Variants in ZNF33A observed in about 807,000 individuals in gnomAD.
ZNF33A encodes the protein zinc finger protein 33A, also known as brain my041 protein.
A neutral mutation model predicts 15.9 loss-of-function variants in ZNF33A; 9 were observed. The observed-to-expected ratio is 0.57, with a 90% CI of 0.34 to 0.99. ZNF33A has a LOEUF of 0.99. Ranked by LOEUF, ZNF33A falls within the 50% of genes least tolerant of loss-of-function variation. The pLI is 0.02. For missense variants in ZNF33A, 843 were observed against 941.6 expected, an observed-to-expected ratio of 0.90 and a Z score of 1.37; for synonymous variants, 294 against 324.2, an observed-to-expected ratio of 0.91 and a Z score of 1.00.
At chr10:38,027,689 T>C (rs999180347) in intron 4 of ZNF33A, among the ~76,000 whole-genome samples, 1 of 152,164 alleles carries the variant, frequency 6.6e-6, no homozygotes, top group African/African-American at 2.4e-5. Context: ...AGTTTCTCCC[T>C]TGCATTCTGT....
At chr10:38,026,404 G>A (rs1322572993) in intron 4 of ZNF33A, among the ~76,000 whole-genome samples, 2 of 152,124 alleles carry the variant, frequency 1.3e-5, no homozygotes, top group Non-Finnish European at 2.9e-5. Flanking sequence ...GTGCGATCTC[G>A]GCTCACCACA....
At chr10:38,053,549 C>T (rs1393999128) in intron 4 of ZNF33A, among the ~76,000 whole-genome samples, 1 of 152,120 alleles carries the variant, frequency 6.6e-6, no homozygotes, top group African/African-American at 2.4e-5. Context: ...TTAACATACA[C>T]ATTTTTGGGG....
chr10:38,021,169 T>C (rs1277210090), intron 4 of ZNF33A, among the ~76,000 whole-genome samples: 1 of 152,168 alleles, frequency 6.6e-6, no homozygotes, highest in Non-Finnish European at 1.5e-5. Flanking sequence ...TGTACAAACA[T>C]TAATCAAAAC....
chr10:38,052,253 A>G (rs1035640220), intron 4 of ZNF33A, among the ~76,000 whole-genome samples: 7 of 151,278 alleles, frequency 4.6e-5, no homozygotes, highest in East Asian at 1.9e-4. Flanking sequence ...AATAATGACT[A>G]TAATTATTAA....
chr10:38,047,624 C>CAAAAAAAAAAAAAAAAAAAAAA (rs554054575), intron 4 of ZNF33A, among the ~76,000 whole-genome samples: 6 of 75,008 alleles, frequency 8.0e-5, no homozygotes, highest in Admixed American at 1.8e-4. Flanking sequence ...GACTCTGTCT[C>CAAAAAAAAAAAAAAAAAAAAAA]AAAAAAAAAA....
intron 4 of ZNF33A, among the ~76,000 whole-genome samples, chr10:38,020,637 G>A (rs1438886786): frequency 3.3e-5 from 5 of 151,968 alleles, no homozygotes; most frequent in African/African-American, 9.7e-5. Context: ...TTCCATTTCC[G>A]TCTAGGTTGT....
chr10:38,011,108 C>G (rs1054636735), intron 1 of ZNF33A, among the ~76,000 whole-genome samples: 6 of 152,344 alleles, frequency 3.9e-5, no homozygotes, highest in East Asian at 3.9e-4. Flanking sequence ...GCTAGGGCGC[C>G]GCGGTACGTG....
At position 38,054,763 on chromosome 10, in the gene ZNF33A, A is replaced by AG; in HGVS notation, c.639_640insG (p.Thr214AspfsTer7). ...AGACTTTGCAGCATGAGAAGATTCAAACTTTAGAGCACAATTTTGAATACA... is the reference window on the plus strand; with the variant it reads ...AGACTTTGCAGCATGAGAAGATTCAAGACTTTAGAGCACAATTTTGAATACA... On this transcript the variant is annotated frameshift_variant, in exon 5 of 5. Transcript: ENST00000432900. LOFTEE classifies it low-confidence loss of function (END_TRUNC). 1.2e-6 allele frequency: 2 copies of AG among 1,613,652 alleles called. No individual in the cohort carries two copies. The highest frequency in any genetic ancestry group is 1.7e-6 in the Non-Finnish European group (2 of 1,179,918).
chr10:38,038,718 T>G (rs1370389679), intron 4 of ZNF33A, among the ~76,000 whole-genome samples: 2 of 152,186 alleles, frequency 1.3e-5, no homozygotes, highest in African/African-American at 4.8e-5. Flanking sequence ...GTGGTGGACT[T>G]TTTGTAGATG....
At position 38,054,640 on chromosome 10, in the gene ZNF33A, C is replaced by A; in HGVS notation, c.516C>A (p.Ala172=). 3.1e-6 allele frequency: 5 copies of A among 1,612,642 alleles called. No homozygotes were observed. The highest frequency in any genetic ancestry group is 2.5e-6 in the Non-Finnish European group (3 of 1,179,662). The change falls in exon 5 of 5, where the codon GCC becomes GCA. Residue 172 remains alanine (A), a synonymous_variant. Transcript: ENST00000432900. The stretch of plus-strand genomic sequence containing the variant: ...GAAAAAAGTCTGATGAATTTAATGC[C>A]TGTGGGAAATTGTTACTCAATATTA... ...YLGKKSDEFN[A]CGKLLLNIKH... is the part of the protein sequence containing the mutation.
chr10:38,018,685 G>C (rs1404511884), intron 4 of ZNF33A, among the ~76,000 whole-genome samples: 3 of 152,134 alleles, frequency 2.0e-5, no homozygotes, highest in Non-Finnish European at 4.4e-5. Context: ...AGACAGAGCC[G>C]GAAGGCAGGA....
At chr10:38,065,675 G>C (rs937735191), downstream of ZNF33A, among the ~76,000 whole-genome samples, 1 of 150,914 alleles carries the variant, frequency 6.6e-6, no homozygotes, top group Non-Finnish European at 1.5e-5. Flanking sequence ...CTGGTTGCCA[G>C]TGCACCAGCC....
chr10:38,060,567 A>G (rs1381494019), downstream of ZNF33A, among the ~76,000 whole-genome samples: 2 of 152,148 alleles, frequency 1.3e-5, no homozygotes, highest in African/African-American at 4.8e-5. Flanking sequence ...GGTGTGACTG[A>G]CAAACTCACC....
chr10:38,040,100 CTTCT>C (rs1329210396), intron 4 of ZNF33A, among the ~76,000 whole-genome samples: 1 of 151,268 alleles, frequency 6.6e-6, no homozygotes, highest in Non-Finnish European at 1.5e-5. Context: ...CTTCTTATTG[CTTCT>C]TTAACTTTTT....
At chr10:38,031,294 G>T (rs1484827071) in intron 4 of ZNF33A, among the ~76,000 whole-genome samples, 2 of 152,106 alleles carry the variant, frequency 1.3e-5, no homozygotes, top group Admixed American at 6.5e-5. Context: ...TCCAGGCTGG[G>T]TGTGGTGGCA....
At chr10:38,064,242 A>G, downstream of ZNF33A, 1 of 822,448 alleles carries the variant, frequency 1.2e-6, no homozygotes, top group Non-Finnish European at 1.9e-6. Context: ...CATCTCCAAC[A>G]CTAGCATGCT....
At chr10:38,036,228 T>G (rs1220327207) in intron 4 of ZNF33A, among the ~76,000 whole-genome samples, 2 of 152,116 alleles carry the variant, frequency 1.3e-5, no homozygotes, top group Non-Finnish European at 2.9e-5. Context: ...TTACCTGATG[T>G]CAGGAGTTTG....
chr10:38,011,751 T>A (rs2064197579), intron 1 of ZNF33A, among the ~76,000 whole-genome samples: 1 of 152,140 alleles, frequency 6.6e-6, no homozygotes, highest in Non-Finnish European at 1.5e-5. Flanking sequence ...TCCACACACA[T>A]CAAAGCAAGT....
intron 4 of ZNF33A, among the ~76,000 whole-genome samples, chr10:38,042,828 C>T (rs1424835305): frequency 6.6e-6 from 1 of 152,208 alleles, no homozygotes; most frequent in African/African-American, 2.4e-5. Context: ...GTTGGGATTA[C>T]TGGCATGAGC....
Sources: allele counts gnomAD v4.1 joint callset (sites outside exome capture counted in the v4.1 genomes callset), GRCh38; gene constraint gnomAD v4.1.1; transcripts MANE v1.5; gene names NCBI Gene and HGNC (gene_info 2026-07-23, HGNC 2026-07-21).